LHX9: variants seen among roughly 807,000 people sequenced by gnomAD.
LHX9 encodes the protein LIM homeobox 9.
In LHX9, 9 loss-of-function variants were observed where a neutral mutation model predicts 36.5. The observed-to-expected ratio is 0.25, with a 90% confidence interval of 0.15 to 0.43. The LOEUF is 0.43. LHX9 is among the 20% of genes least tolerant of loss of function. LHX9 has a pLI of 1.00. For missense variants in LHX9, 464 were observed against 526.4 expected (o/e 0.88, Z 1.16); for synonymous variants, 211 against 212.1 (o/e 0.99, Z 0.04).
chr1:197,920,266 T>C, intron 2 of LHX9, 92 bp downstream of exon 2: 2 of 1,137,458 alleles, frequency 1.8e-6, no homozygotes, highest in South Asian at 1.3e-5. Context: ...CCCTACCTTT[T>C]GCCCCATTCC....
In LHX9 at chr1:197,917,621, G is replaced by GAGGC. The variant is rs1391697775; in HGVS notation, c.-202_-199dup. 4 of 1,512,448 alleles carry GAGGC rather than the reference G, an allele frequency of 2.6e-6. No individual in the cohort carries two copies. In the Admixed American group the frequency reaches 7.1e-5, roughly 27 times the overall value. 93.7% of individuals were successfully genotyped at this position (1,512,448 alleles called of 1,614,324 possible). A position where few individuals can be genotyped will look rare whatever the true frequency, so the allele number is the denominator to read the frequency against. On this transcript the variant is annotated 5_prime_UTR_variant, in exon 1 of 5. Coordinates refer to ENST00000367387, the MANE Select transcript of LHX9 (RefSeq NM_020204.3). The stretch of plus-strand genomic sequence containing the variant: ...TGCACATCTCCTTCAGGGAGCCGCT[G>GAGGC]AGGCTTCCCCCCAACTCTTCCCAGT...
chr1:197,917,105 TGTGTGTGTGTGCGCGCGCGCGCGC>T (rs922175675), upstream of LHX9: 7 of 174,664 alleles, frequency 4.0e-5, no homozygotes, highest in African/African-American at 1.5e-4. Context: ...TGTGTGTGTG[TGTGTGTGTGTGCGCGCGCGCGCGC>T]GTGTGTGTGT....
At chr1:197,919,802 G>T (rs1345164513) in intron 1 of LHX9, among the ~76,000 whole-genome samples, 170 bp from the exon 2 acceptor site, 1 of 152,248 alleles carries the variant, frequency 6.6e-6, no homozygotes, top group Non-Finnish European at 1.5e-5. Flanking sequence ...CAAGCGGGCC[G>T]CAAAGAGAGA....
chr1:197,917,105 TG>T, upstream of LHX9: 1 of 174,784 alleles, frequency 5.7e-6, no homozygotes, highest in Non-Finnish European at 1.1e-5. Flanking sequence ...TGTGTGTGTG[TG>T]TGTGTGTGTG....
In LHX9 at chr1:197,918,809, G is replaced by T. The variant is rs1270533060; in HGVS notation, c.174+812G>T. On this transcript the variant is annotated intron_variant, in intron 1 of 4. Transcript: ENST00000367387. ...CCAGATTACTAACGGGGGGGGGGGGGGACTACAGAAGTCTCCGGAAATTAT... is the reference window on the plus strand; with the variant it reads ...CCAGATTACTAACGGGGGGGGGGGGTGACTACAGAAGTCTCCGGAAATTAT... 2 of 86,444 alleles carry T rather than the reference G, an allele frequency of 2.3e-5. 1 individual carries two copies. Among genetic ancestry groups the T allele is most frequent in the Non-Finnish European group, 4.9e-5 (2 of 40,828 alleles). The allele number at this position is 86,444 out of a possible 1,614,324, so 5.4% of individuals were successfully genotyped here. A position where few individuals can be genotyped will look rare whatever the true frequency, so the allele number is the denominator to read the frequency against.
rs909780028 is a variant in LHX9, at chr1:197,921,711, T to C, written c.733+52T>C. 1 of 1,411,128 alleles carries C rather than the reference T, an allele frequency of 7.1e-7. No individual in the cohort carries two copies. The highest frequency in any genetic ancestry group is 1.4e-5 in the African/African-American group (1 of 70,174). 87.4% of individuals were successfully genotyped at this position (1,411,128 alleles called of 1,614,324 possible). A position where few individuals can be genotyped will look rare whatever the true frequency, so the allele number is the denominator to read the frequency against. ...GCAGCCCCGGCCTCCCTGAGGAAAATTCGTAGAGCTCCTTCCCCGTCCAAA... is the reference window on the plus strand; with the variant it reads ...GCAGCCCCGGCCTCCCTGAGGAAAACTCGTAGAGCTCCTTCCCCGTCCAAA... On this transcript the variant is annotated intron_variant, in intron 3 of 4. Coordinates refer to ENST00000367387, the MANE Select transcript of LHX9 (RefSeq NM_020204.3). The surrounding 1 kb of genome is among the most constrained non-coding windows in gnomAD (Gnocchi z 4.6).
At position 197,917,698 on chromosome 1, in the gene LHX9, T is replaced by C. The variant is rs1659812249; in HGVS notation, c.-126T>C. ...AGCAGACCGATTTCCACTCCATCTG[T>C]TTCTTCTCCTCCTTTCTCTCCCTCT... On this transcript the variant is annotated 5_prime_UTR_variant, in exon 1 of 5. Transcript: ENST00000367387. 6.3e-7 allele frequency: 1 copy of C among 1,579,914 alleles called. No individual in the cohort carries two copies. Among genetic ancestry groups the C allele is most frequent in the South Asian group, 1.2e-5 (1 of 85,148 alleles).
At chr1:197,923,057 T>C (rs1256418208) in intron 3 of LHX9, among the ~76,000 whole-genome samples, 1 of 152,224 alleles carries the variant, frequency 6.6e-6, no homozygotes, top group Non-Finnish European at 1.5e-5. Flanking sequence ...GGCTCTCTCC[T>C]GGGGTTCTCT....
chr1:197,918,109 C>T, intron 1 of LHX9, 112 bp downstream of exon 1: 2 of 1,196,818 alleles, frequency 1.7e-6, no homozygotes, highest in Non-Finnish European at 2.3e-6. Flanking sequence ...GAGACGTCCG[C>T]TTGAGGGTGG....
At chr1:197,928,904 AAGAAAG>A (rs746959499) in intron 4 of LHX9, 92 bp from the exon 5 acceptor site, 1 of 1,325,492 alleles carries the variant, frequency 7.5e-7, no homozygotes, top group South Asian at 1.8e-5. Flanking sequence ...AAAAAAAAAA[AAGAAAG>A]AAAGAAAAAG....
At chr1:197,919,093 G>C (rs1031586902) in intron 1 of LHX9, among the ~76,000 whole-genome samples, 14 of 152,224 alleles carry the variant, frequency 9.2e-5, no homozygotes, top group Non-Finnish European at 2.9e-5. Flanking sequence ...TGAGGGAAAT[G>C]TCCGGAGGTT....
intron 2 of LHX9, 85 bp downstream of exon 2, chr1:197,920,259 T>C (rs915336711): frequency 2.7e-5 from 35 of 1,280,428 alleles, no homozygotes; most frequent in Non-Finnish European, 3.6e-5. Flanking sequence ...CTCCGTCCCC[T>C]ACCTTTTGCC....
At chr1:197,914,341 A>T (rs1659691166), upstream of LHX9, among the ~76,000 whole-genome samples, 1 of 151,692 alleles carries the variant, frequency 6.6e-6, no homozygotes, top group Non-Finnish European at 1.5e-5. Flanking sequence ...AAAAATGAAC[A>T]CTGTAATTTT....
rs994690801 is a variant in LHX9, at chr1:197,917,483, ATT to A, written c.-338_-337del. The A allele has an allele frequency of 1.5e-6, 2 of 1,365,094 alleles. No homozygotes were observed. The highest frequency in any genetic ancestry group is 1.5e-5 in the African/African-American group (1 of 68,024). The allele number at this position is 1,365,094 out of a possible 1,614,324, so 84.6% of individuals were successfully genotyped here. A position where few individuals can be genotyped will look rare whatever the true frequency, so the allele number is the denominator to read the frequency against. On this transcript the variant is annotated 5_prime_UTR_variant, in exon 1 of 5. Coordinates refer to ENST00000367387, the MANE Select transcript of LHX9 (RefSeq NM_020204.3). ...CAAAACTATTTTCTTTCTTCACCAG[ATT>A]TTGTTTTCCTCCCCCCGCTGCAGTT...
At chr1:197,917,131 T>C (rs74134512), upstream of LHX9, 567 of 347,628 alleles carry the variant, frequency 1.6e-3, no homozygotes, top group South Asian at 6.2e-3. Context: ...CGCGCGCGCG[T>C]GTGTGTGTTT....
upstream of LHX9, chr1:197,912,653 T>TCCACCCAACGAA: frequency 3.1e-6 from 4 of 1,288,266 alleles, no homozygotes; most frequent in Non-Finnish European, 4.5e-6. Context: ...GCGCCTTCGT[T>TCCACCCAACGAA]GGGTGGAACG....
chr1:197,933,935 A>G lies in LHX9; in HGVS notation c.*4676A>G, dbSNP rs1486585773. On this transcript the variant is annotated 3_prime_UTR_variant, in exon 5 of 5. Coordinates refer to ENST00000367387, the MANE Select transcript of LHX9 (RefSeq NM_020204.3). ...TGTGGACCTCTTAGTTGAGAGCAGG[A>G]CACTAAATTTTCATAGCTTCTACCT... 1 of 152,136 alleles carries G rather than the reference A, an allele frequency of 6.6e-6. No individual in the cohort carries two copies. The highest frequency in any genetic ancestry group is 2.4e-5 in the African/African-American group (1 of 41,450). The allele number at this position is 152,136 out of a possible 1,614,324, so 9.4% of individuals were successfully genotyped here. A position where few individuals can be genotyped will look rare whatever the true frequency, so the allele number is the denominator to read the frequency against.
chr1:197,923,181 G>T (rs1557974456), intron 3 of LHX9, among the ~76,000 whole-genome samples: 1 of 152,222 alleles, frequency 6.6e-6, no homozygotes, highest in East Asian at 1.9e-4. Flanking sequence ...GTCCCTAGGG[G>T]GTTCATACCA....
At chr1:197,928,964 G>A (rs1371635776) in intron 4 of LHX9, 38 bp from the exon 5 acceptor site, 2 of 1,448,946 alleles carry the variant, frequency 1.4e-6, no homozygotes, top group South Asian at 1.6e-5. Context: ...ATATAAAAAT[G>A]AACATCGGTA....
Sources: allele counts gnomAD v4.1 joint callset (sites outside exome capture counted in the v4.1 genomes callset), GRCh38; gene constraint gnomAD v4.1.1; non-coding constraint Gnocchi (gnomAD v3.1); transcripts MANE v1.5; gene names NCBI Gene and HGNC (gene_info 2026-07-23, HGNC 2026-07-21).